The following ZNF155 variants were observed in gnomAD, a reference collection of about 807,000 sequenced individuals.
ZNF155 encodes the protein KRAB A domain.
A neutral mutation model predicts 11.9 loss-of-function variants in ZNF155; 15 were observed. That is an observed-to-expected ratio of 1.26 (90% CI 0.84 to 1.94). The LOEUF is 1.94. Among genes scored for constraint, ZNF155 ranks in the 30% most tolerant of loss-of-function variants. The pLI, the probability that ZNF155 is intolerant of heterozygous loss-of-function variation, is 0.00. For synonymous variants in ZNF155, 212 were observed against 219.9 expected, an observed-to-expected ratio of 0.96 and a Z score of 0.32; for missense variants, 602 against 639.1, an observed-to-expected ratio of 0.94 and a Z score of 0.63.
intron 1 of ZNF155, among the ~76,000 whole-genome samples, chr19:43,986,062 C>T (rs1035686396): frequency 1.3e-5 from 2 of 152,178 alleles, no homozygotes; most frequent in South Asian, 2.1e-4. Flanking sequence ...TAGACTTGGA[C>T]TTCTGTAGGA....
chr19:43,986,716 T>C (rs1428934780), intron 1 of ZNF155, among the ~76,000 whole-genome samples: 1 of 152,186 alleles, frequency 6.6e-6, no homozygotes, highest in East Asian at 1.9e-4. Flanking sequence ...CCCAAAGTGC[T>C]GAGATTACAG....
intron 4 of ZNF155, among the ~76,000 whole-genome samples, chr19:43,995,158 T>A (rs1344138103): frequency 2.6e-5 from 4 of 151,444 alleles, no homozygotes; most frequent in African/African-American, 9.7e-5. Flanking sequence ...CAGGTTGGAG[T>A]GCAGTGGCAC....
In ZNF155 at chr19:43,997,758, G is replaced by A. The variant is rs1391062314; in HGVS notation, c.*284G>A. On this transcript the variant is annotated 3_prime_UTR_variant, in exon 5 of 5. Coordinates refer to ENST00000270014, the MANE Select transcript of ZNF155 (RefSeq NM_198089.3). ...TAAGGGAACTAGCACAGGGGATTGT[G>A]CCTGGAGACATGCCCATGGCTGCAC... 1.2e-5 allele frequency: 4 copies of A among 325,426 alleles called. No individual in the cohort carries two copies. The highest frequency in any genetic ancestry group is 2.2e-5 in the Non-Finnish European group (4 of 179,078). The allele number at this position is 325,426 out of a possible 1,614,324, so 20.2% of individuals were successfully genotyped here. A position where few individuals can be genotyped will look rare whatever the true frequency, so the allele number is the denominator to read the frequency against.
intron 2 of ZNF155, among the ~76,000 whole-genome samples, chr19:43,989,854 CAAA>C (rs1259543071): frequency 6.6e-6 from 1 of 152,094 alleles, no homozygotes; most frequent in African/African-American, 2.4e-5. Flanking sequence ...AATTCAAAAT[CAAA>C]ACCTTGAGCA....
In ZNF155 at chr19:43,988,682, G is replaced by A. The variant is rs1194431507; in HGVS notation, c.15+124G>A. ...GCATTTGGGGACCTGTTTGTGCCAG[G>A]TGCTTCCTTTATCTCTTTTGTGTTG... On this transcript the variant is annotated intron_variant, in intron 2 of 4. Coordinates refer to ENST00000270014, the MANE Select transcript of ZNF155 (RefSeq NM_198089.3). The A allele has an allele frequency of 2.9e-6, 3 of 1,052,620 alleles. No individual in the cohort carries two copies. In the East Asian group the frequency reaches 8.2e-5, roughly 29 times the overall value. The allele number at this position is 1,052,620 out of a possible 1,614,324, so 65.2% of individuals were successfully genotyped here. A position where few individuals can be genotyped will look rare whatever the true frequency, so the allele number is the denominator to read the frequency against.
intron 1 of ZNF155, among the ~76,000 whole-genome samples, chr19:43,985,537 T>C (rs887404787): frequency 3.9e-4 from 42 of 106,414 alleles, no homozygotes; most frequent in Admixed American, 3.1e-3. Context: ...CTTTTTCTTT[T>C]TTTTTTTTTT....
chr19:43,988,671 G>C, intron 2 of ZNF155, 113 bp downstream of exon 2: 1 of 1,181,958 alleles, frequency 8.5e-7, no homozygotes, highest in Non-Finnish European at 1.1e-6. Flanking sequence ...TTGGGGACCT[G>C]TTTGTGCCAG....
Position 43,996,990 on chromosome 19 carries a change from G to A in ZNF155, c.1133G>A (p.Gly378Glu). The A allele has an allele frequency of 3.7e-6, 6 of 1,614,162 alleles. No homozygotes were observed. Among genetic ancestry groups the A allele is most frequent in the Non-Finnish European group, 1.7e-6 (2 of 1,180,012 alleles). Residue 378 changes from glycine (G) to glutamate (E), a missense_variant, in exon 5 of 5, where the codon GGG becomes GAG. Physicochemically the swap from Gly to Glu is moderately conservative, Grantham distance 98 (BLOSUM62 -2). Transcript: ENST00000270014. Reference protein sequence around the residue: ...GEKPYNCKECGKSFRWSSCLL... With the variant: ...GEKPYNCKECEKSFRWSSCLL... Reference sequence around the variant, plus strand: ...AAACCATATAATTGTAAAGAATGTGGGAAGAGCTTCAGATGGTCCTCATGC... The same window carrying A: ...AAACCATATAATTGTAAAGAATGTGAGAAGAGCTTCAGATGGTCCTCATGC...
chr19:43,988,648 G>A (rs753330104), intron 2 of ZNF155, 90 bp downstream of exon 2: 2 of 1,401,988 alleles, frequency 1.4e-6, no homozygotes, highest in Admixed American at 2.2e-5. Context: ...AGACTCAAGG[G>A]GAAAACAGGC....
intron 1 of ZNF155, among the ~76,000 whole-genome samples, chr19:43,986,047 G>A (rs1438801009): frequency 1.3e-5 from 2 of 152,178 alleles, no homozygotes; most frequent in Non-Finnish European, 2.9e-5. Context: ...TGAGAGCAAG[G>A]CTCATAGACT....
intron 2 of ZNF155, among the ~76,000 whole-genome samples, chr19:43,990,372 T>C (rs1975615458): frequency 6.6e-6 from 1 of 152,226 alleles, no homozygotes; most frequent in Non-Finnish European, 1.5e-5. Flanking sequence ...ATGAAATAGA[T>C]AATGCTAGTA....
chr19:43,996,453 TGGG>T lies in ZNF155; in HGVS notation c.597_599del (p.Gly200del). The T allele has an allele frequency of 6.2e-7, 1 of 1,614,178 alleles. No individual in the cohort carries two copies. The highest frequency in any genetic ancestry group is 8.5e-7 in the Non-Finnish European group (1 of 1,180,024). Reference sequence around the variant, plus strand: ...CTTCATGTTCATCAGAGAGTCCACGTGGGAGAGAAACTCTTTATGTGTGATGTG... The same window carrying T: ...CTTCATGTTCATCAGAGAGTCCACGTAGAGAAACTCTTTATGTGTGATGTG... On this transcript the variant is annotated inframe_deletion, in exon 5 of 5. Coordinates refer to ENST00000270014, the MANE Select transcript of ZNF155 (RefSeq NM_198089.3).
chr19:43,988,593 C>A (rs1368417776), intron 2 of ZNF155, 35 bp downstream of exon 2: 5 of 1,588,748 alleles, frequency 3.1e-6, no homozygotes, highest in Non-Finnish European at 4.3e-6. Flanking sequence ...TGTTAAAATT[C>A]CATGTCACTA....
chr19:43,986,604 C>G (rs931827652), intron 1 of ZNF155, among the ~76,000 whole-genome samples: 1 of 151,958 alleles, frequency 6.6e-6, no homozygotes, highest in African/African-American at 2.4e-5. Flanking sequence ...TGCCGGCCAC[C>G]ATGCCCGGCT....
At chr19:43,992,262 G>A (rs76288529) in intron 4 of ZNF155, among the ~76,000 whole-genome samples, 1,929 of 152,266 alleles carry the variant, frequency 0.013, 34 homozygotes, top group African/African-American at 0.044. Flanking sequence ...CTGACTACGT[G>A]TGTCCTTTCC....
In ZNF155 at chr19:43,997,663, C is replaced by A. The variant is rs56101767; in HGVS notation, c.*189C>A. 2 of 578,684 alleles carry A rather than the reference C, an allele frequency of 3.5e-6. No individual in the cohort carries two copies. The highest frequency in any genetic ancestry group is 3.8e-5 in the African/African-American group (2 of 53,058). 35.8% of individuals were successfully genotyped at this position (578,684 alleles called of 1,614,324 possible). On this transcript the variant is annotated 3_prime_UTR_variant, in exon 5 of 5. Transcript: ENST00000270014. ...GGGTCCCTGGAGACCCCCAGCCAAA[C>A]GGGTCAGTGTCTCATCCCCACATAA...
chr19:43,984,433 G>C (rs576880815), intron 1 of ZNF155, 188 bp downstream of exon 1: 30 of 138,498 alleles, frequency 2.2e-4, no homozygotes, highest in Admixed American at 6.5e-4. Flanking sequence ...AGGTCCACCG[G>C]AGGAGTCGTC....
At chr19:43,995,218 T>A (rs1420428798) in intron 4 of ZNF155, among the ~76,000 whole-genome samples, 1 of 151,958 alleles carries the variant, frequency 6.6e-6, no homozygotes, top group Non-Finnish European at 1.5e-5. Flanking sequence ...TTTAAGCAAT[T>A]CTCCTGCCTC....
chr19:43,996,304 G>A lies in ZNF155; in HGVS notation c.447G>A (p.Gln149=). 6.2e-7 allele frequency: 1 copy of A among 1,614,142 alleles called. No homozygotes were observed. The highest frequency in any genetic ancestry group is 1.1e-5 in the South Asian group (1 of 91,080). Residue 149 remains glutamine (Q), a synonymous_variant, in exon 5 of 5, where the codon CAG becomes CAA. Coordinates refer to ENST00000270014, the MANE Select transcript of ZNF155 (RefSeq NM_198089.3). ...PTIHTGQKPS[Q]GGKCKQSISD... is the part of the protein sequence containing the mutation. The stretch of plus-strand genomic sequence containing the variant: ...TTCATACAGGACAGAAACCTTCCCA[G>A]GGTGGGAAGTGTAAACAGTCCATCA...
Sources: gnomAD v4.1 joint callset for allele counts (sites outside exome capture counted in the v4.1 genomes callset) on GRCh38, gnomAD v4.1.1 for gene constraint, MANE v1.5 for transcripts, NCBI Gene and HGNC (gene_info 2026-07-23, HGNC 2026-07-21) for gene names.